The following KCNG3 variants were observed in gnomAD, a reference collection of about 807,000 sequenced individuals.
KCNG3 encodes the protein potassium voltage-gated channel modifier subfamily G member 3.
In KCNG3, 15 loss-of-function variants were observed where a neutral mutation model predicts 29.0. That is an observed-to-expected ratio of 0.52 (90% CI 0.35 to 0.80). The LOEUF (loss-of-function observed/expected upper bound fraction) is 0.80. Ranked by LOEUF, KCNG3 falls within the 30% of genes least tolerant of loss-of-function variation. The pLI is 0.01. For missense variants in KCNG3, 512 were observed against 605.7 expected, an observed-to-expected ratio of 0.85 and a Z score of 1.62; for synonymous variants, 322 against 248.9, an observed-to-expected ratio of 1.29 and a Z score of -2.76.
chr2:42,461,361 C>A (rs993600594), intron 1 of KCNG3, among the ~76,000 whole-genome samples: 2 of 151,930 alleles, frequency 1.3e-5, no homozygotes, highest in African/African-American at 4.8e-5. Flanking sequence ...TTTCTGTGTG[C>A]GCCTTGCCTG....
chr2:42,478,552 A>G (rs1362018134), intron 1 of KCNG3, among the ~76,000 whole-genome samples: 1 of 152,056 alleles, frequency 6.6e-6, no homozygotes, highest in African/African-American at 2.4e-5. Context: ...TTCTTAGGTA[A>G]AGCTTAAAAA....
rs1352785874 is a variant in KCNG3, at chr2:42,492,717, T to A, written c.665+120A>T. 1.5e-5 allele frequency: 12 copies of A among 822,876 alleles called. 1 individual carries two copies. The highest frequency in any genetic ancestry group is 1.8e-5 in the Non-Finnish European group (12 of 655,516). 51.0% of individuals were successfully genotyped at this position (822,876 alleles called of 1,614,324 possible). Reference sequence around the variant, plus strand: ...GTAGTTGGCCGCGCCTGGGCCTCGCTGGGCGCGCACCCCGCTGGCTCGGTC... The same window carrying A: ...GTAGTTGGCCGCGCCTGGGCCTCGCAGGGCGCGCACCCCGCTGGCTCGGTC... On this transcript the variant is annotated intron_variant, in intron 1 of 1. Coordinates refer to ENST00000306078, the MANE Select transcript of KCNG3 (RefSeq NM_133329.6).
chr2:42,414,052 T>A, the KCNG3 span, among the ~76,000 whole-genome samples: 1 of 152,248 alleles, frequency 6.6e-6, no homozygotes, highest in Non-Finnish European at 1.5e-5. Context: ...GTTTTTGGCC[T>A]AGAATGTAAT....
At chr2:42,470,163 T>C (rs372451852) in intron 1 of KCNG3, 4 of 426,364 alleles carry the variant, frequency 9.4e-6, no homozygotes, top group Admixed American at 3.4e-5. Flanking sequence ...CTGATTCTGA[T>C]AGAGCGTCAG....
chr2:42,458,536 G>T (rs1405901919), intron 1 of KCNG3, among the ~76,000 whole-genome samples: 1 of 152,168 alleles, frequency 6.6e-6, no homozygotes, highest in Admixed American at 6.5e-5. Flanking sequence ...CTAAGACAGG[G>T]GCTATCCATC....
chr2:42,466,074 C>T (rs1255907075), intron 1 of KCNG3, among the ~76,000 whole-genome samples: 1 of 152,144 alleles, frequency 6.6e-6, no homozygotes, highest in African/African-American at 2.4e-5. Flanking sequence ...TATAATACTG[C>T]ATTTTTACTA....
intron 1 of KCNG3, among the ~76,000 whole-genome samples, chr2:42,474,103 G>A (rs1001482609): frequency 2.0e-4 from 31 of 152,024 alleles, no homozygotes; most frequent in Admixed American, 1.7e-3. Context: ...AGTGAGCCGA[G>A]ATCACCCCTT....
the KCNG3 span, among the ~76,000 whole-genome samples, chr2:42,410,894 T>C: frequency 1.3e-5 from 2 of 152,218 alleles, no homozygotes; most frequent in South Asian, 2.1e-4. Context: ...GGAATTCTCC[T>C]ATGTTTCCTT....
At chr2:42,462,900 A>G (rs1042717949) in intron 1 of KCNG3, among the ~76,000 whole-genome samples, 10 of 152,088 alleles carry the variant, frequency 6.6e-5, no homozygotes, top group African/African-American at 2.4e-4. Flanking sequence ...AAAACCTGGC[A>G]TCTCTAGAAG....
chr2:42,483,046 G>A (rs1365902351), intron 1 of KCNG3, among the ~76,000 whole-genome samples: 1 of 152,124 alleles, frequency 6.6e-6, no homozygotes, highest in African/African-American at 2.4e-5. Context: ...GCCAGAGCCA[G>A]GGAGGCAGAG....
the KCNG3 span, among the ~76,000 whole-genome samples, chr2:42,434,448 G>A: frequency 3.7e-3 from 311 of 83,150 alleles, 1 homozygote; most frequent in Middle Eastern, 0.024. Flanking sequence ...AACAGAGTGA[G>A]ACACTGTCTC....
At position 42,447,077 on chromosome 2, in the gene KCNG3, C is replaced by T. The variant is rs1385751107; in HGVS notation, c.666-2498G>A. On this transcript the variant is annotated intron_variant, in intron 1 of 1. Transcript: ENST00000306078. ...CTCACCTGTGTGACAGACAGCAAAC[C>T]TGCCTCAAAAAAAAAAAGGGATGAG... Among the ~76,000 whole-genome samples, 3 of 126,268 alleles carry T rather than the reference C, an allele frequency of 2.4e-5. 1 individual carries two copies. The highest frequency in any genetic ancestry group is 5.2e-5 in the Non-Finnish European group (3 of 57,638). 82.8% of individuals were successfully genotyped at this position (126,268 alleles called of 152,430 possible).
chr2:42,447,190 T>G (rs1238359031), intron 1 of KCNG3, among the ~76,000 whole-genome samples: 1 of 151,714 alleles, frequency 6.6e-6, no homozygotes, highest in Non-Finnish European at 1.5e-5. Context: ...CACTTTCTTA[T>G]GCATCCTTCC....
intron 1 of KCNG3, among the ~76,000 whole-genome samples, chr2:42,475,356 C>T (rs1316396240): frequency 6.9e-6 from 1 of 144,746 alleles, no homozygotes; most frequent in African/African-American, 2.6e-5. Flanking sequence ...GATAGAGTCT[C>T]GCTCTGTCGC....
At chr2:42,425,941 G>A in the KCNG3 span, among the ~76,000 whole-genome samples, 3 of 152,176 alleles carry the variant, frequency 2.0e-5, no homozygotes, top group East Asian at 3.8e-4. Context: ...TGAAGTTGAC[G>A]CAATAGATAG....
intron 1 of KCNG3, among the ~76,000 whole-genome samples, chr2:42,487,233 T>C (rs974703404): frequency 6.6e-6 from 1 of 151,804 alleles, no homozygotes; most frequent in African/African-American, 2.4e-5. Flanking sequence ...ATAGTGAAAG[T>C]GCAGCTACTA....
chr2:42,408,742 C>T, the KCNG3 span, among the ~76,000 whole-genome samples: 1 of 152,164 alleles, frequency 6.6e-6, no homozygotes, highest in Non-Finnish European at 1.5e-5. Flanking sequence ...AACTCGGGAC[C>T]ATGGAATGAT....
intron 1 of KCNG3, among the ~76,000 whole-genome samples, chr2:42,466,462 G>C (rs1673142788): frequency 6.6e-6 from 1 of 152,116 alleles, no homozygotes; most frequent in Admixed American, 6.6e-5. Flanking sequence ...ATTTACCACT[G>C]TGTTGTAACT....
At chr2:42,490,784 A>G (rs1673851586) in intron 1 of KCNG3, among the ~76,000 whole-genome samples, 1 of 152,232 alleles carries the variant, frequency 6.6e-6, no homozygotes, top group Non-Finnish European at 1.5e-5. Context: ...GATGCAAAAT[A>G]TGGTCAAATA....
Sources: gnomAD v4.1 joint callset for allele counts (sites outside exome capture counted in the v4.1 genomes callset) on GRCh38, gnomAD v4.1.1 for gene constraint, MANE v1.5 for transcripts, NCBI Gene and HGNC (gene_info 2026-07-23, HGNC 2026-07-21) for gene names.